CHUK: variants seen among roughly 807,000 people sequenced by gnomAD.
The protein encoded by CHUK is inhibitor of nuclear factor kappa-B kinase subunit alpha.
CHUK carries 35 observed loss-of-function variants against 104.8 expected under a neutral mutation model. The ratio of observed to expected loss-of-function variants is 0.33; its 90% CI spans 0.26 to 0.44. The LOEUF (loss-of-function observed/expected upper bound fraction) is 0.44. Ranked by LOEUF, CHUK falls within the 20% of genes least tolerant of loss-of-function variation. The pLI, the probability that CHUK is intolerant of heterozygous loss-of-function variation, is 1.00. For missense variants in CHUK, 663 were observed against 902.7 expected, an observed-to-expected ratio of 0.73 and a Z score of 3.40; for synonymous variants, 276 against 291.9, an observed-to-expected ratio of 0.95 and a Z score of 0.56.
At chr10:100,210,557 G>C (rs1845706960) in intron 9 of CHUK, among the ~76,000 whole-genome samples, 1 of 152,182 alleles carries the variant, frequency 6.6e-6, no homozygotes, top group Non-Finnish European at 1.5e-5. Context: ...AGAGTTCTAA[G>C]TTAAATAACT....
intron 2 of CHUK, 104 bp from the exon 3 acceptor site, chr10:100,223,084 G>C: frequency 1.5e-6 from 1 of 648,070 alleles, no homozygotes; most frequent in East Asian, 2.9e-5. Flanking sequence ...GAGGGGGAAA[G>C]ATCAGTATTA....
chr10:100,198,035 T>G (rs1265151436), intron 16 of CHUK, among the ~76,000 whole-genome samples: 7 of 152,240 alleles, frequency 4.6e-5, no homozygotes, highest in Admixed American at 4.6e-4. Context: ...TAAAATTCTT[T>G]TTGCTTGAAA....
At chr10:100,199,937 A>G (rs1845423921) in intron 16 of CHUK, 34 bp downstream of exon 16, 1 of 1,509,820 alleles carries the variant, frequency 6.6e-7, no homozygotes, top group Admixed American at 1.7e-5. Flanking sequence ...AGTTACCTAA[A>G]ATGCCTTCAA....
At chr10:100,205,295 C>T in intron 11 of CHUK, 96 bp from the exon 12 acceptor site, 2 of 1,267,074 alleles carry the variant, frequency 1.6e-6, no homozygotes, top group Non-Finnish European at 2.3e-6. Context: ...CCTGTCCACA[C>T]AAACAGGATT....
rs1454848409 is a variant in CHUK at position 100,207,299 on chromosome 10, C to G, written c.1162G>C (p.Asp388His). 4 of 1,558,906 alleles carry G rather than the reference C, an allele frequency of 2.6e-6. No individual in the cohort carries two copies. In the African/African-American group the frequency reaches 5.4e-5, roughly 21 times the overall value. ...GCDSYMVYLF[D>H]KSKTVYEGPF... ...CCTTCATATACAGTTTTACTTTTAT[C>G]AAACAAATAAACCATATAGCTATCA... The change falls in exon 11 of 21, where the codon GAT becomes CAT. Residue 388 changes from aspartate to histidine, a missense_variant. Asp to His is a moderately conservative substitution (Grantham distance 81). Around this residue, in one of 5 missense-constraint regions of CHUK, gnomAD observed 15 missense variants for 41.3 expected, o/e 0.36. Coordinates refer to ENST00000370397, the MANE Select transcript of CHUK (RefSeq NM_001278.5).
chr10:100,210,774 A>C (rs1845710780), intron 9 of CHUK, among the ~76,000 whole-genome samples: 1 of 152,214 alleles, frequency 6.6e-6, no homozygotes, highest in South Asian at 2.1e-4. Context: ...CCCCAAATCA[A>C]GTAAGAACCG....
chr10:100,190,737 C>A, intron 20 of CHUK, 132 bp downstream of exon 20: 1 of 750,854 alleles, frequency 1.3e-6, no homozygotes, highest in Non-Finnish European at 2.5e-6. Flanking sequence ...GGATATTCCC[C>A]AAATGCTCTT....
rs773155035 is a variant in CHUK at position 100,204,698 on chromosome 10, T to C, written c.1356-41A>G. Reference sequence around the variant, plus strand: ...AAAAAAAAGAAAAAGAAAAAAGATATTATCAGCATTCAGAAACATTGAACA... The same window carrying C: ...AAAAAAAAGAAAAAGAAAAAAGATACTATCAGCATTCAGAAACATTGAACA... On this transcript the variant is annotated intron_variant, in intron 12 of 20. Transcript: ENST00000370397. 18 of 1,496,194 alleles carry C rather than the reference T, an allele frequency of 1.2e-5. No individual in the cohort carries two copies. In the South Asian group the frequency reaches 2.0e-4, roughly 16 times the overall value. 92.7% of individuals were successfully genotyped at this position (1,496,194 alleles called of 1,614,324 possible).
Position 100,218,010 on chromosome 10 carries a change from G to A in CHUK, c.918C>T (p.His306=). 7 of 1,614,082 alleles carry A rather than the reference G, an allele frequency of 4.3e-6. No homozygotes were observed. The African/African-American group carries it at 8.0e-5, about 18-fold the overall frequency. Residue 306 remains histidine, a synonymous_variant, in exon 9 of 21, where the codon CAC becomes CAT. Transcript: ENST00000370397. ...TAAGACTAACCTTCAAATTCAAAAT[G>A]TGATCCATTAATACAAAACATCTTG... is the stretch of plus-strand genomic sequence containing the variant. The part of the protein sequence containing the change: ...KQPRCFVLMD[H]ILNLKIVHIL...
intron 12 of CHUK, 47 bp downstream of exon 12, chr10:100,205,029 A>G (rs760815215): frequency 5.0e-6 from 8 of 1,607,822 alleles, no homozygotes; most frequent in Non-Finnish European, 6.8e-6. Context: ...ATTCTTGAGT[A>G]TATGATGCAC....
In CHUK at chr10:100,218,114, T is replaced by C. The variant is rs984793621; in HGVS notation, c.814A>G (p.Met272Val). Residue 272 changes from methionine to valine, a missense_variant, in exon 9 of 21, where the codon ATG becomes GTG. Transcript: ENST00000370397. ...AACATCAACTGTAGCCAGTTTTCCA[T>C]GGGTTCTACTACTAAACTAGAAAAC... is the stretch of plus-strand genomic sequence containing the variant. ...NSLCSLVVEP[M>V]ENWLQLMLNW... The C allele has an allele frequency of 1.2e-6, 2 of 1,611,970 alleles. No individual in the cohort carries two copies. The highest frequency in any genetic ancestry group is 1.7e-6 in the Non-Finnish European group (2 of 1,178,178).
chr10:100,202,063 T>C, intron 14 of CHUK, 25 bp downstream of exon 14: 1 of 1,538,680 alleles, frequency 6.5e-7, no homozygotes. Context: ...TTAATAAGTA[T>C]ACAGAATGAC....
At chr10:100,193,167 G>T in intron 19 of CHUK, 131 bp downstream of exon 19, 1 of 1,007,240 alleles carries the variant, frequency 9.9e-7, no homozygotes, top group Non-Finnish European at 1.6e-6. Flanking sequence ...AGTTGCCTAA[G>T]ATTATTACAA....
chr10:100,221,220 A>T (rs957593945), intron 4 of CHUK, among the ~76,000 whole-genome samples: 4 of 152,106 alleles, frequency 2.6e-5, no homozygotes, highest in Admixed American at 2.0e-4. Flanking sequence ...GCAGATCACG[A>T]GGTCAGGAGT....
intron 15 of CHUK, among the ~76,000 whole-genome samples, chr10:100,200,438 A>G (rs1440381507): frequency 6.6e-6 from 1 of 152,178 alleles, no homozygotes; most frequent in Non-Finnish European, 1.5e-5. Context: ...AAAATTCTTA[A>G]CACTCCTATG....
Position 100,204,514 on chromosome 10 carries a change from T to C in CHUK, c.1499A>G (p.Tyr500Cys). 6.2e-7 allele frequency: 1 copy of C among 1,613,422 alleles called. No individual in the cohort carries two copies. Residue 500 changes from tyrosine (Y) to cysteine (C), a missense_variant, in exon 13 of 21, where the codon TAT (tyrosine) becomes TGT (cysteine). Physicochemically the swap from Tyr to Cys is radical, Grantham distance 194 (BLOSUM62 -2). This residue lies in a region of CHUK where 311 missense variants were observed against 393.4 expected (regional missense o/e 0.79). Coordinates refer to ENST00000370397, the MANE Select transcript of CHUK (RefSeq NM_001278.5). The part of the protein sequence containing the change: ...DLERYSEQMT[Y>C]GISSEKMLKA... ...ATTACACAGACACTTACATATCCCA[T>C]ACGTCATCTGCTCGCTGTATCTCTC...
chr10:100,192,081 G>A (rs1845218887), intron 19 of CHUK, among the ~76,000 whole-genome samples: 2 of 152,208 alleles, frequency 1.3e-5, no homozygotes, highest in East Asian at 3.9e-4. Flanking sequence ...CTGTGCCACT[G>A]CACTCCAGCC....
chr10:100,211,997 C>T (rs1055702515), intron 9 of CHUK, among the ~76,000 whole-genome samples: 4 of 152,062 alleles, frequency 2.6e-5, no homozygotes, highest in Non-Finnish European at 5.9e-5. Context: ...ATTATCCTGC[C>T]TCAGCCTACG....
At chr10:100,210,091 A>ATTTATTTATTAT (rs58570772) in intron 9 of CHUK, among the ~76,000 whole-genome samples, 1 of 121,802 alleles carries the variant, frequency 8.2e-6, no homozygotes, top group African/African-American at 3.0e-5. Context: ...TTATTTATTT[A>ATTTATTTATTAT]TTTTTTTTTT....
Sources: gnomAD v4.1 joint callset for allele counts (sites outside exome capture counted in the v4.1 genomes callset) on GRCh38, gnomAD v4.1.1 for gene constraint, gnomAD v4.1.1 regional missense constraint, MANE v1.5 for transcripts, NCBI Gene and HGNC (gene_info 2026-07-23, HGNC 2026-07-21) for gene names.